Variants in GRID2 observed in about 807,000 individuals in gnomAD.
GRID2 encodes glutamate receptor ionotropic, delta-2.
A neutral mutation model predicts 114.8 loss-of-function variants in GRID2; 33 were observed. The observed-to-expected ratio is 0.29, with a 90% CI of 0.22 to 0.38. The LOEUF is 0.38. Ranked by LOEUF, GRID2 falls within the 10% of genes least tolerant of loss-of-function variation. GRID2 has a pLI of 1.00. For missense variants in GRID2, 1,184 were observed against 1,257.7 expected, an observed-to-expected ratio of 0.94 and a Z score of 0.89; for synonymous variants, 505 against 449.9, an observed-to-expected ratio of 1.12 and a Z score of -1.55.
intron 2 of GRID2, chr4:92,885,038 C>T (rs1301310297): frequency 7.1e-6 from 2 of 282,642 alleles, no homozygotes; most frequent in African/African-American, 2.3e-5. Context: ...AAAACAGGAA[C>T]AGATTCTTCT....
chr4:92,899,533 T>G (rs1747413564), intron 2 of GRID2, among the ~76,000 whole-genome samples: 1 of 152,210 alleles, frequency 6.6e-6, no homozygotes. Flanking sequence ...TGGTATTTCC[T>G]AAGCCTGTAT....
chr4:93,472,487 C>T (rs1724935734), intron 11 of GRID2, among the ~76,000 whole-genome samples: 1 of 152,074 alleles, frequency 6.6e-6, no homozygotes, highest in Non-Finnish European at 1.5e-5. Flanking sequence ...GCATTTCATT[C>T]ACATAGCTAA....
chr4:92,720,452 C>T (rs564461360), intron 2 of GRID2, among the ~76,000 whole-genome samples: 4 of 151,848 alleles, frequency 2.6e-5, no homozygotes, highest in Non-Finnish European at 4.4e-5. Flanking sequence ...CCAAATACTA[C>T]CTTTGGGAAT....
chr4:93,146,106 A>G (rs886464642), intron 4 of GRID2, among the ~76,000 whole-genome samples: 5 of 152,126 alleles, frequency 3.3e-5, no homozygotes, highest in Admixed American at 1.3e-4. Flanking sequence ...CTCCAGGAAT[A>G]GTATGAATTA....
intron 4 of GRID2, among the ~76,000 whole-genome samples, chr4:93,125,890 G>C (rs1328134251): frequency 6.6e-6 from 1 of 152,154 alleles, no homozygotes; most frequent in African/African-American, 2.4e-5. Context: ...TCTCTTCACT[G>C]CTTATGACAG....
At chr4:93,518,838 G>A (rs1178206293) in intron 13 of GRID2, among the ~76,000 whole-genome samples, 2 of 152,046 alleles carry the variant, frequency 1.3e-5, no homozygotes, top group Non-Finnish European at 2.9e-5. Context: ...AAGGCCCTGA[G>A]GTAGAAGCAT....
intron 14 of GRID2, among the ~76,000 whole-genome samples, chr4:93,655,074 G>A (rs149175602): frequency 6.0e-4 from 92 of 152,114 alleles, no homozygotes; most frequent in East Asian, 1.2e-3. Context: ...CCATACTTCA[G>A]AACTGAACAC....
At chr4:93,042,680 TATATATATATGC>T (rs1396738609) in intron 2 of GRID2, among the ~76,000 whole-genome samples, 82 of 143,234 alleles carry the variant, frequency 5.7e-4, no homozygotes, top group African/African-American at 9.7e-4. Context: ...TCTATATATC[TATATATATATGC>T]ATATATATAT....
chr4:93,608,297 T>TC (rs33914500), intron 13 of GRID2, among the ~76,000 whole-genome samples: 13 of 2,188 alleles, frequency 5.9e-3, no homozygotes, highest in Non-Finnish European at 0.019. Context: ...TTTTTTTTTC[T>TC]TTTTTTTTTT....
At chr4:93,668,233 C>A (rs1301771184) in intron 14 of GRID2, among the ~76,000 whole-genome samples, 2 of 151,864 alleles carry the variant, frequency 1.3e-5, no homozygotes, top group Non-Finnish European at 2.9e-5. Flanking sequence ...ATTTTAATCC[C>A]AAATAATCAC....
intron 2 of GRID2, among the ~76,000 whole-genome samples, chr4:92,590,639 G>A (rs949442028): frequency 9.9e-5 from 15 of 151,932 alleles, no homozygotes; most frequent in African/African-American, 3.1e-4. Context: ...TGCCACCTTG[G>A]GTATTGTTAC....
intron 2 of GRID2, among the ~76,000 whole-genome samples, chr4:93,071,477 A>T (rs992689185): frequency 3.9e-5 from 6 of 152,140 alleles, no homozygotes; most frequent in African/African-American, 1.4e-4. Context: ...ATAGATATAT[A>T]AAATACAATC....
In GRID2 at chr4:92,918,361, T is replaced by C. The variant is rs565584491; in HGVS notation, c.245-166634T>C. Among the ~76,000 whole-genome samples the C allele has an allele frequency of 4.7e-3, 719 of 152,292 alleles. 3 individuals are homozygous for C. The highest frequency in any genetic ancestry group is 0.014 in the Middle Eastern group (4 of 294). ...CCTTTATTTCCTTCTCCTACCTGAT[T>C]GCCCTGGCCAGAACTTCCAACACTA... is the stretch of plus-strand genomic sequence containing the variant. On this transcript the variant is annotated intron_variant, in intron 2 of 15. Coordinates refer to ENST00000282020, the MANE Select transcript of GRID2 (RefSeq NM_001510.4).
chr4:92,942,421 G>C (rs1016748898), intron 2 of GRID2, among the ~76,000 whole-genome samples: 1 of 152,018 alleles, frequency 6.6e-6, no homozygotes, highest in Non-Finnish European at 1.5e-5. Context: ...CCATTTGCTT[G>C]GCAGATCTTC....
chr4:92,809,885 G>A lies in GRID2; in HGVS notation c.244+219599G>A, dbSNP rs145730544. ...TAATATTTATATCACCAGGTGTAGT[G>A]AAGTATAAACTTAATAATTCCTGTT... On this transcript the variant is annotated intron_variant, in intron 2 of 15. Transcript: ENST00000282020. Among the ~76,000 whole-genome samples, 1,345 of 152,012 alleles carry A rather than the reference G, an allele frequency of 8.8e-3. 12 individuals carry two copies. The highest frequency in any genetic ancestry group is 0.034 in the Middle Eastern group (10 of 294).
chr4:92,731,163 CT>C (rs1736311208), intron 2 of GRID2, among the ~76,000 whole-genome samples: 2 of 151,722 alleles, frequency 1.3e-5, no homozygotes, highest in African/African-American at 4.8e-5. Context: ...TTTAAAAGCT[CT>C]TCATCATTAT....
chr4:93,754,096 C>T (rs1732551897), intron 14 of GRID2, among the ~76,000 whole-genome samples: 1 of 151,884 alleles, frequency 6.6e-6, no homozygotes, highest in Non-Finnish European at 1.5e-5. Flanking sequence ...AATAGTAGCA[C>T]AATGGTAAGT....
intron 8 of GRID2, among the ~76,000 whole-genome samples, chr4:93,379,214 C>T (rs868450091): frequency 1.3e-5 from 2 of 151,742 alleles, no homozygotes; most frequent in African/African-American, 2.4e-5. Flanking sequence ...AAGTTTATTC[C>T]GTCACTTTAC....
intron 6 of GRID2, among the ~76,000 whole-genome samples, chr4:93,223,025 G>C (rs182024680): frequency 6.6e-6 from 1 of 152,154 alleles, no homozygotes; most frequent in African/African-American, 2.4e-5. Context: ...GTAGAACCAG[G>C]AGGGGTTAGG....
Sources: gnomAD v4.1 joint callset for allele counts (sites outside exome capture counted in the v4.1 genomes callset) on GRCh38, gnomAD v4.1.1 for gene constraint, MANE v1.5 for transcripts, NCBI Gene and HGNC (gene_info 2026-07-23, HGNC 2026-07-21) for gene names.